Variants in RSBN1 observed in about 807,000 individuals in gnomAD.
The protein encoded by RSBN1 is lysine-specific demethylase 9.
In RSBN1, 23 loss-of-function variants were observed where a neutral mutation model predicts 74.8. The observed-to-expected ratio is 0.31, with a 90% CI of 0.22 to 0.44. RSBN1 has a LOEUF of 0.44. Ranked by LOEUF, RSBN1 falls within the 20% of genes least tolerant of loss-of-function variation. The probability of loss-of-function intolerance (pLI) is 1.00; values close to 1 mark genes in which losing one functional copy is unlikely to be tolerated. For synonymous variants in RSBN1, 407 were observed against 379.6 expected (o/e 1.07, Z -0.84); for missense variants, 808 against 1,020.9 (o/e 0.79, Z 2.84).
At chr1:113,809,308 T>C (rs995647297) in intron 1 of RSBN1, among the ~76,000 whole-genome samples, 1 of 152,174 alleles carries the variant, frequency 6.6e-6, no homozygotes, top group Non-Finnish European at 1.5e-5. Flanking sequence ...CCCCATTTTA[T>C]AGACAGGAAA....
At chr1:113,774,440 C>T (rs1175971963) in intron 4 of RSBN1, among the ~76,000 whole-genome samples, 2 of 151,628 alleles carry the variant, frequency 1.3e-5, no homozygotes, top group East Asian at 3.9e-4. Flanking sequence ...TTTGGGAGGC[C>T]GAGGCGGGTG....
intron 2 of RSBN1, chr1:113,796,134 A>G (rs1660467662): frequency 6.6e-6 from 1 of 152,216 alleles, no homozygotes; most frequent in Non-Finnish European, 1.5e-5. Flanking sequence ...AACTTAAAAA[A>G]AAAATGAAAA....
intron 4 of RSBN1, among the ~76,000 whole-genome samples, chr1:113,771,782 T>A (rs1318207014): frequency 1.5e-5 from 2 of 130,094 alleles, no homozygotes; most frequent in Non-Finnish European, 3.2e-5. Flanking sequence ...ATATTTAGGA[T>A]GGTCAAGAAA....
intron 4 of RSBN1, among the ~76,000 whole-genome samples, chr1:113,771,406 T>C (rs903968641): frequency 5.3e-5 from 8 of 151,900 alleles, no homozygotes; most frequent in Non-Finnish European, 7.4e-5. Context: ...ACAACAACCA[T>C]AGGTTAATGC....
chr1:113,797,719 G>C lies in RSBN1; in HGVS notation c.1021C>G (p.Gln341Glu). ...AAATTTCTACGAATAGAATGTTCCT[G>C]GTGAGTCATAAAAGGTGTTTGTACT... ...QGVQTPFMTH[Q>E]EHSIRRNFLK... is the part of the protein sequence containing the mutation. The change falls in exon 2 of 7, where the codon CAG becomes GAG. Residue 341 changes from glutamine to glutamate, a missense_variant. Coordinates refer to ENST00000261441, the MANE Select transcript of RSBN1 (RefSeq NM_018364.5). 6.2e-7 allele frequency: 1 copy of C among 1,614,012 alleles called. No individual in the cohort carries two copies. The highest frequency in any genetic ancestry group is 2.2e-5 in the East Asian group (1 of 44,870).
chr1:113,797,277 T>A (rs1660490527), intron 2 of RSBN1, 86 bp downstream of exon 2: 1 of 1,019,560 alleles, frequency 9.8e-7, no homozygotes, highest in African/African-American at 1.6e-5. Flanking sequence ...TTATCAAAAA[T>A]GTGCTGGTAT....
chr1:113,808,720 C>T (rs772549877), intron 1 of RSBN1, among the ~76,000 whole-genome samples: 1 of 152,166 alleles, frequency 6.6e-6, no homozygotes, highest in Non-Finnish European at 1.5e-5. Context: ...CCAAAGATCA[C>T]ATACTGTATG....
rs761047036 is a variant in RSBN1, at chr1:113,765,994, T to C, written c.2395A>G (p.Thr799Ala). 6.2e-6 allele frequency: 10 copies of C among 1,611,778 alleles called. No homozygotes were observed. Among genetic ancestry groups the C allele is most frequent in the Admixed American group, 3.3e-5 (2 of 59,934 alleles). ...ATATGTACATATCACACAGAAGTGG[T>C]TGAATGTTCTTGCAGATTGTGTTGC... is the stretch of plus-strand genomic sequence containing the variant. Reference protein sequence around the residue: ...DQQHNLQEHSTTSV With the variant: ...DQQHNLQEHSATSV Residue 799 changes from threonine (T) to alanine (A), a missense_variant, in exon 7 of 7, where the codon ACC (threonine) becomes GCC (alanine). By Grantham distance (58) the Thr-to-Ala change is moderately conservative (BLOSUM62 0). This residue lies in a region of RSBN1 where 91 missense variants were observed against 99.6 expected (regional missense o/e 0.91). Transcript: ENST00000261441.
At chr1:113,811,309 T>C (rs181224156) in intron 1 of RSBN1, among the ~76,000 whole-genome samples, 3 of 152,278 alleles carry the variant, frequency 2.0e-5, no homozygotes, top group Admixed American at 1.3e-4. Context: ...CCCTGACTAT[T>C]CTGGAGCAAG....
chr1:113,807,072 G>C (rs1660716402), intron 1 of RSBN1, among the ~76,000 whole-genome samples: 1 of 151,948 alleles, frequency 6.6e-6, no homozygotes, highest in African/African-American at 2.4e-5. Context: ...CAGCACTTTG[G>C]GAGACCAAGG....
rs1039675370 is a variant in RSBN1 at position 113,764,082 on chromosome 1, C to A, written c.*1898G>T. On this transcript the variant is annotated 3_prime_UTR_variant, in exon 7 of 7. Coordinates refer to ENST00000261441, the MANE Select transcript of RSBN1 (RefSeq NM_018364.5). The stretch of plus-strand genomic sequence containing the variant: ...AATAAAAACAAGAAATAACCCAAAC[C>A]CACACACTTTGTGATTAAACCCCTC... 1 of 152,326 alleles carries A rather than the reference C, an allele frequency of 6.6e-6. No homozygotes were observed. Among genetic ancestry groups the A allele is most frequent in the Non-Finnish European group, 1.5e-5 (1 of 68,012 alleles). 9.4% of individuals were successfully genotyped at this position (152,326 alleles called of 1,614,324 possible).
chr1:113,763,780 G>A lies in RSBN1; in HGVS notation c.*2200C>T, dbSNP rs1235709439. 6.6e-6 allele frequency: 1 copy of A among 152,644 alleles called. No homozygotes were observed. The highest frequency in any genetic ancestry group is 2.4e-5 in the African/African-American group (1 of 41,396). The allele number at this position is 152,644 out of a possible 1,614,324, so 9.5% of individuals were successfully genotyped here. A position where few individuals can be genotyped will look rare whatever the true frequency, so the allele number is the denominator to read the frequency against. ...AATGGGGATTTGCTTTTGATTGTAGGTCTTTGCAGATCCGCTGGTTCCTGA... is the reference window on the plus strand; with the variant it reads ...AATGGGGATTTGCTTTTGATTGTAGATCTTTGCAGATCCGCTGGTTCCTGA... On this transcript the variant is annotated 3_prime_UTR_variant, in exon 7 of 7. Coordinates refer to ENST00000261441, the MANE Select transcript of RSBN1 (RefSeq NM_018364.5).
chr1:113,766,904 T>C (rs1659791227), intron 6 of RSBN1, among the ~76,000 whole-genome samples, 195 bp downstream of exon 6: 1 of 152,168 alleles, frequency 6.6e-6, no homozygotes, highest in African/African-American at 2.4e-5. Flanking sequence ...ATCCCAAAGA[T>C]TGAAAGGATT....
intron 2 of RSBN1, among the ~76,000 whole-genome samples, chr1:113,790,314 C>G (rs1031869415): frequency 1.3e-5 from 2 of 152,072 alleles, no homozygotes; most frequent in African/African-American, 4.8e-5. Flanking sequence ...CCCAATGCCA[C>G]AGAATTATAC....
intron 5 of RSBN1, 109 bp from the exon 6 acceptor site, chr1:113,767,316 T>C: frequency 3.6e-6 from 2 of 562,960 alleles, no homozygotes; most frequent in African/African-American, 1.9e-5. Flanking sequence ...GAGAAATAGA[T>C]GCATAGTTTC....
At chr1:113,806,002 G>A (rs1245493514) in intron 1 of RSBN1, among the ~76,000 whole-genome samples, 2 of 152,098 alleles carry the variant, frequency 1.3e-5, no homozygotes, top group Admixed American at 1.3e-4. Flanking sequence ...TTTAAATTTC[G>A]TATGATTTCC....
intron 1 of RSBN1, among the ~76,000 whole-genome samples, chr1:113,804,061 C>T (rs772694802): frequency 4.6e-5 from 7 of 151,508 alleles, no homozygotes; most frequent in Non-Finnish European, 7.4e-5. Context: ...CCCAGGAGTT[C>T]GAGGTTACAG....
At chr1:113,788,674 T>A (rs1245069663) in intron 2 of RSBN1, among the ~76,000 whole-genome samples, 1 of 152,100 alleles carries the variant, frequency 6.6e-6, no homozygotes, top group African/African-American at 2.4e-5. Flanking sequence ...CAATCAAATG[T>A]TACAGTTAAA....
At chr1:113,810,384 AACACACACACAC>A (rs113663525) in intron 1 of RSBN1, among the ~76,000 whole-genome samples, 2 of 146,634 alleles carry the variant, frequency 1.4e-5, no homozygotes, top group African/African-American at 2.5e-5. Flanking sequence ...GTACAGTTAA[AACACACACACAC>A]ACACACACAC....
Sources: allele counts gnomAD v4.1 joint callset (sites outside exome capture counted in the v4.1 genomes callset), GRCh38; gene constraint gnomAD v4.1.1; regional missense constraint gnomAD v4.1.1; transcripts MANE v1.5; gene names NCBI Gene and HGNC (gene_info 2026-07-23, HGNC 2026-07-21).